LHFPL3: variants seen among roughly 807,000 people sequenced by gnomAD.
The protein encoded by LHFPL3 is LHFPL tetraspan subfamily member 3, also known as LHFPL tetraspan subfamily member 3 protein.
A neutral mutation model predicts 19.3 loss-of-function variants in LHFPL3; 5 were observed. The ratio of observed to expected loss-of-function variants is 0.26; its 90% CI spans 0.14 to 0.54. The LOEUF (loss-of-function observed/expected upper bound fraction) is 0.54, where lower values mean the gene tolerates loss of function less well. Ranked by LOEUF, LHFPL3 falls within the 20% of genes least tolerant of loss-of-function variation. The pLI is 0.94. For synonymous variants in LHFPL3, 133 were observed against 126.2 expected, an observed-to-expected ratio of 1.05 and a Z score of -0.36; for missense variants, 249 against 307.4, an observed-to-expected ratio of 0.81 and a Z score of 1.42.
intron 1 of LHFPL3, among the ~76,000 whole-genome samples, chr7:104,414,289 AACAT>A (rs763246494): frequency 1.3e-5 from 2 of 152,230 alleles, no homozygotes; most frequent in Non-Finnish European, 2.9e-5. Context: ...CTTTTTAACA[AACAT>A]ACAGAGTTTC....
At chr7:104,814,391 C>T (rs568303655) in intron 2 of LHFPL3, among the ~76,000 whole-genome samples, 9 of 152,234 alleles carry the variant, frequency 5.9e-5, no homozygotes, top group South Asian at 2.1e-4. Flanking sequence ...GTGGGTTGCT[C>T]CTCTTTGCAG....
chr7:104,853,047 C>T (rs757289693), intron 2 of LHFPL3, among the ~76,000 whole-genome samples: 5 of 152,236 alleles, frequency 3.3e-5, no homozygotes, highest in Non-Finnish European at 5.9e-5. Flanking sequence ...TGAAGCATCT[C>T]GGGGCAGGGC....
At chr7:104,814,156 A>T (rs1398034547) in intron 2 of LHFPL3, among the ~76,000 whole-genome samples, 1 of 152,088 alleles carries the variant, frequency 6.6e-6, no homozygotes. Flanking sequence ...TTCGGCTCCT[A>T]GCAGAGGGTA....
chr7:104,661,082 C>CTGA (rs1792216483), intron 1 of LHFPL3, among the ~76,000 whole-genome samples: 1 of 152,162 alleles, frequency 6.6e-6, no homozygotes, highest in Non-Finnish European at 1.5e-5. Flanking sequence ...CCTGTGAGCA[C>CTGA]TGATATCAGG....
At chr7:104,817,317 A>G (rs1790573872) in intron 2 of LHFPL3, among the ~76,000 whole-genome samples, 1 of 151,798 alleles carries the variant, frequency 6.6e-6, no homozygotes, top group Non-Finnish European at 1.5e-5. Flanking sequence ...ACCTCACCCC[A>G]TTTCATTCAG....
At chr7:104,865,469 GT>G (rs1157874501) in intron 2 of LHFPL3, among the ~76,000 whole-genome samples, 1 of 152,158 alleles carries the variant, frequency 6.6e-6, no homozygotes, top group East Asian at 1.9e-4. Context: ...GGAAGAAAGG[GT>G]ATCAGTGATG....
chr7:104,624,219 G>A (rs1791503145), intron 1 of LHFPL3, among the ~76,000 whole-genome samples: 1 of 152,168 alleles, frequency 6.6e-6, no homozygotes. Flanking sequence ...TACAAAACAC[G>A]AGCGTCTATC....
intron 1 of LHFPL3, among the ~76,000 whole-genome samples, chr7:104,591,307 T>G (rs1453058444): frequency 6.6e-6 from 1 of 152,196 alleles, no homozygotes; most frequent in Non-Finnish European, 1.5e-5. Context: ...AAGGCAGGCC[T>G]GATGGTGACA....
chr7:104,331,343 C>T (rs529599944), intron 1 of LHFPL3, among the ~76,000 whole-genome samples: 5 of 152,296 alleles, frequency 3.3e-5, no homozygotes, highest in African/African-American at 1.2e-4. Context: ...ACATTTACTT[C>T]ATTTTGGAGA....
intron 1 of LHFPL3, among the ~76,000 whole-genome samples, chr7:104,447,543 T>C (rs1792352888): frequency 6.6e-6 from 1 of 152,168 alleles, no homozygotes; most frequent in African/African-American, 2.4e-5. Flanking sequence ...CCAATATTAC[T>C]TAAATTTTCA....
chr7:104,887,172 C>A (rs181456739), intron 2 of LHFPL3, among the ~76,000 whole-genome samples: 6 of 152,288 alleles, frequency 3.9e-5, no homozygotes, highest in Non-Finnish European at 8.8e-5. Context: ...GCATTAGCTC[C>A]ACGGTGAATA....
intron 2 of LHFPL3, among the ~76,000 whole-genome samples, chr7:104,886,761 C>T (rs1584598611): frequency 2.0e-5 from 3 of 152,294 alleles, no homozygotes; most frequent in East Asian, 1.9e-4. Flanking sequence ...CAGCTTTTAC[C>T]CATTTACTGT....
intron 1 of LHFPL3, among the ~76,000 whole-genome samples, chr7:104,391,362 T>C (rs1435432733): frequency 1.3e-5 from 2 of 152,210 alleles, no homozygotes; most frequent in Non-Finnish European, 2.9e-5. Flanking sequence ...AATTTTTGTA[T>C]AAGGTGTAAG....
chr7:104,574,408 A>T (rs1262579958), intron 1 of LHFPL3, among the ~76,000 whole-genome samples: 3 of 152,238 alleles, frequency 2.0e-5, no homozygotes, highest in Non-Finnish European at 4.4e-5. Context: ...TTTTTAGAGA[A>T]GTAGAATAGA....
At chr7:104,566,002 A>G (rs1204998727) in intron 1 of LHFPL3, among the ~76,000 whole-genome samples, 2 of 152,028 alleles carry the variant, frequency 1.3e-5, no homozygotes, top group East Asian at 3.9e-4. Flanking sequence ...AGAAGAGCCA[A>G]ATAGAGGTAG....
intron 2 of LHFPL3, among the ~76,000 whole-genome samples, chr7:104,761,002 G>T (rs896161470): frequency 6.6e-6 from 1 of 151,304 alleles, no homozygotes; most frequent in Non-Finnish European, 1.5e-5. Flanking sequence ...GCAGACCCAG[G>T]TGTGCTAACT....
chr7:104,359,542 A>C (rs1296788366), intron 1 of LHFPL3, among the ~76,000 whole-genome samples: 1 of 152,248 alleles, frequency 6.6e-6, no homozygotes, highest in African/African-American at 2.4e-5. Flanking sequence ...AAACTAACTT[A>C]GCCAATTCAT....
At chr7:104,428,395 G>A (rs1791888609) in intron 1 of LHFPL3, among the ~76,000 whole-genome samples, 1 of 152,080 alleles carries the variant, frequency 6.6e-6, no homozygotes, top group Non-Finnish European at 1.5e-5. Flanking sequence ...TGACAACAAT[G>A]AAATCTTCTT....
At chr7:104,757,467 G>A (rs1794305984) in intron 2 of LHFPL3, 1 of 151,814 alleles carries the variant, frequency 6.6e-6, no homozygotes, top group African/African-American at 2.4e-5. Context: ...ATCCAACAAA[G>A]GTTTAATATC....
Sources: allele counts gnomAD v4.1 joint callset (sites outside exome capture counted in the v4.1 genomes callset), GRCh38; gene constraint gnomAD v4.1.1; transcripts MANE v1.5; gene names NCBI Gene and HGNC (gene_info 2026-07-23, HGNC 2026-07-21).